The following NKAIN2 variants were observed in gnomAD, a reference collection of about 807,000 sequenced individuals.
The protein encoded by NKAIN2 is sodium/potassium-transporting ATPase subunit beta-1-interacting protein 2.
NKAIN2 carries 14 observed loss-of-function variants against 32.6 expected under a neutral mutation model. The observed-to-expected ratio is 0.43, with a 90% CI of 0.28 to 0.67. The LOEUF is 0.67. Ranked by LOEUF, NKAIN2 falls within the 30% of genes least tolerant of loss-of-function variation. The pLI, the probability that NKAIN2 is intolerant of heterozygous loss-of-function variation, is 0.17. For missense variants in NKAIN2, 198 were observed against 258.3 expected (o/e 0.77, Z 1.60); for synonymous variants, 80 against 87.2 (o/e 0.92, Z 0.46).
intron 1 of NKAIN2, among the ~76,000 whole-genome samples, chr6:123,821,805 A>C (rs1773934795): frequency 6.6e-6 from 1 of 152,156 alleles, no homozygotes; most frequent in African/African-American, 2.4e-5. Flanking sequence ...TATGAGTATG[A>C]ATAAAGTGAT....
At chr6:124,650,236 T>C (rs929803431) in intron 3 of NKAIN2, among the ~76,000 whole-genome samples, 9 of 152,158 alleles carry the variant, frequency 5.9e-5, no homozygotes, top group Non-Finnish European at 8.8e-5. Flanking sequence ...ATTGTCTGTG[T>C]AGAAAATCTG....
chr6:124,194,513 A>G (rs1196678927), intron 1 of NKAIN2, among the ~76,000 whole-genome samples: 1 of 152,068 alleles, frequency 6.6e-6, no homozygotes, highest in African/African-American at 2.4e-5. Flanking sequence ...ATTTAAATCT[A>G]CCATCTTATT....
At chr6:124,529,324 C>T (rs1779435072) in intron 3 of NKAIN2, among the ~76,000 whole-genome samples, 1 of 152,146 alleles carries the variant, frequency 6.6e-6, no homozygotes, top group African/African-American at 2.4e-5. Context: ...TAAACAATGT[C>T]ACCAAGACTT....
At chr6:124,165,249 A>G (rs1249993998) in intron 1 of NKAIN2, among the ~76,000 whole-genome samples, 1 of 152,040 alleles carries the variant, frequency 6.6e-6, no homozygotes, top group Non-Finnish European at 1.5e-5. Flanking sequence ...TTCTTTAATA[A>G]TAGTTTTCCC....
rs961692801 is a variant in NKAIN2 at position 124,138,407 on chromosome 6, A to G, written c.55-144598A>G. Among the ~76,000 whole-genome samples, 19 of 152,172 alleles carry G rather than the reference A, an allele frequency of 1.2e-4. 1 individual carries two copies. The highest frequency in any genetic ancestry group is 1.2e-3 in the Admixed American group (19 of 15,276). ...TGCTGGTGGGAATGTAAGCTCATAC[A>G]AACACTATGGAAAACAGTATGGAAA... On this transcript the variant is annotated intron_variant, in intron 1 of 6. Coordinates refer to ENST00000368417, the MANE Select transcript of NKAIN2 (RefSeq NM_001040214.3).
At chr6:124,498,078 G>A (rs1461943473) in intron 3 of NKAIN2, among the ~76,000 whole-genome samples, 1 of 152,102 alleles carries the variant, frequency 6.6e-6, no homozygotes, top group African/African-American at 2.4e-5. Flanking sequence ...AACAGGGTGA[G>A]TAATACACCT....
At position 124,599,291 on chromosome 6, in the gene NKAIN2, T is replaced by G. The variant is rs141314477; in HGVS notation, c.274-58895T>G. On this transcript the variant is annotated intron_variant, in intron 3 of 6. Coordinates refer to ENST00000368417, the MANE Select transcript of NKAIN2 (RefSeq NM_001040214.3). Reference sequence around the variant, plus strand: ...TAAACCAAGATTAAATCAGGTAAAATAGGTTGATGTATGAAAGATAATAAC... The same window carrying G: ...TAAACCAAGATTAAATCAGGTAAAAGAGGTTGATGTATGAAAGATAATAAC... Among the ~76,000 whole-genome samples, 417 of 151,788 alleles carry G rather than the reference T, an allele frequency of 2.7e-3. 1 individual carries two copies. The highest frequency in any genetic ancestry group is 9.3e-3 in the African/African-American group (387 of 41,444).
intron 1 of NKAIN2, among the ~76,000 whole-genome samples, chr6:123,976,656 T>C (rs1312260768): frequency 6.6e-6 from 1 of 151,648 alleles, no homozygotes; most frequent in Non-Finnish European, 1.5e-5. Context: ...AATGATAATC[T>C]CTTTCAAACA....
At chr6:124,545,979 GT>G (rs1374342908) in intron 3 of NKAIN2, among the ~76,000 whole-genome samples, 32 of 151,868 alleles carry the variant, frequency 2.1e-4, no homozygotes, top group African/African-American at 7.7e-4. Context: ...CTTTTTTAAT[GT>G]TTTATTTTGA....
At chr6:123,927,730 T>A (rs1776066506) in intron 1 of NKAIN2, among the ~76,000 whole-genome samples, 1 of 152,236 alleles carries the variant, frequency 6.6e-6, no homozygotes, top group African/African-American at 2.4e-5. Flanking sequence ...TTCTTGGATA[T>A]ATTGCCATTG....
chr6:124,178,618 A>T (rs1203316011), intron 1 of NKAIN2, among the ~76,000 whole-genome samples: 1 of 152,172 alleles, frequency 6.6e-6, no homozygotes, highest in Non-Finnish European at 1.5e-5. Context: ...ACTTTTAATG[A>T]TCACATAATC....
chr6:124,694,165 A>C (rs772226691), intron 4 of NKAIN2, among the ~76,000 whole-genome samples: 24 of 151,774 alleles, frequency 1.6e-4, no homozygotes, highest in Non-Finnish European at 2.8e-4. Flanking sequence ...GTGTGTGTGT[A>C]TATATATTTA....
At chr6:123,916,825 CTATT>C (rs1321575151) in intron 1 of NKAIN2, among the ~76,000 whole-genome samples, 4 of 120,182 alleles carry the variant, frequency 3.3e-5, no homozygotes, top group African/African-American at 6.9e-5. Context: ...ATCTATCTAT[CTATT>C]TATCTATCTA....
intron 4 of NKAIN2, among the ~76,000 whole-genome samples, chr6:124,759,201 T>C (rs1195736090): frequency 1.3e-5 from 2 of 152,162 alleles, no homozygotes; most frequent in African/African-American, 4.8e-5. Context: ...ATCATCTATG[T>C]AATCTTGTTT....
intron 3 of NKAIN2, among the ~76,000 whole-genome samples, chr6:124,453,355 A>ACACACGCACACG (rs71021493): frequency 7.3e-6 from 1 of 136,676 alleles, no homozygotes; most frequent in Non-Finnish European, 1.6e-5. Flanking sequence ...ACACACACAC[A>ACACACGCACACG]CACACACACA....
intron 4 of NKAIN2, among the ~76,000 whole-genome samples, chr6:124,710,081 G>A (rs544766483): frequency 7.3e-5 from 11 of 151,682 alleles, no homozygotes; most frequent in Non-Finnish European, 1.3e-4. Flanking sequence ...CCTTCATTTT[G>A]TTATGTACCC....
chr6:123,867,129 A>T (rs1288171846), intron 1 of NKAIN2, among the ~76,000 whole-genome samples: 2 of 152,176 alleles, frequency 1.3e-5, no homozygotes, highest in Non-Finnish European at 2.9e-5. Context: ...TCAGCTACTA[A>T]GTCTTCAGTT....
chr6:124,178,423 G>A (rs948544065), intron 1 of NKAIN2, among the ~76,000 whole-genome samples: 35 of 150,956 alleles, frequency 2.3e-4, no homozygotes, highest in African/African-American at 7.6e-4. Flanking sequence ...TCAGCTTCCC[G>A]AGTAGCTGGG....
intron 1 of NKAIN2, among the ~76,000 whole-genome samples, chr6:124,198,528 A>G (rs1790433686): frequency 6.6e-6 from 1 of 151,774 alleles, no homozygotes; most frequent in Non-Finnish European, 1.5e-5. Flanking sequence ...TTGAGTGGGT[A>G]TAGGATTGCA....
Sources: allele counts gnomAD v4.1 joint callset (sites outside exome capture counted in the v4.1 genomes callset), GRCh38; gene constraint gnomAD v4.1.1; transcripts MANE v1.5; gene names NCBI Gene and HGNC (gene_info 2026-07-23, HGNC 2026-07-21).